The following TPM3 variants were observed in gnomAD, a reference collection of about 807,000 sequenced individuals.
TPM3 encodes the protein tropomyosin alpha-3 chain.
A neutral mutation model predicts 43.1 loss-of-function variants in TPM3; 16 were observed. That is an observed-to-expected ratio of 0.37 (90% confidence interval 0.25 to 0.56). TPM3 has a LOEUF of 0.56. TPM3 is among the 20% of genes least tolerant of loss of function. The pLI, the probability that TPM3 is intolerant of heterozygous loss-of-function variation, is 0.77. For synonymous variants in TPM3, 101 were observed against 116.9 expected (o/e 0.86, Z 0.88); for missense variants, 176 against 337.2 (o/e 0.52, Z 3.74).
chr1:154,164,741 T>A lies in TPM3; in HGVS notation c.*3196A>T. On this transcript the variant is annotated 3_prime_UTR_variant, in exon 10 of 10. Coordinates refer to ENST00000651641, the MANE Select transcript of TPM3 (RefSeq NM_152263.4). ...TTGTGTCAAGTAAGAACAAAATAAA[T>A]CTGGAAATGAGTAGATCTGAAGAAA... 6.6e-6 allele frequency among the ~76,000 whole-genome samples: 1 copy of A among 152,148 alleles called. No individual in the cohort carries two copies.
chr1:154,191,953 C>T lies in TPM3; in HGVS notation c.66G>A (p.Arg22=). The part of the protein sequence containing the change: ...LKLDKENALD[R]AEQAEAEQKQ... ...TCTGCTCAGCTTCAGCTTGCTCTGCCCGATCCAGAGCATTCTCCTTGTCTA... is the reference window on the plus strand; with the variant it reads ...TCTGCTCAGCTTCAGCTTGCTCTGCTCGATCCAGAGCATTCTCCTTGTCTA... The change falls in exon 1 of 10, where the codon CGG becomes CGA. Residue 22 remains arginine, a synonymous_variant. Transcript: ENST00000651641. 3 of 1,613,954 alleles carry T rather than the reference C, an allele frequency of 1.9e-6. No homozygotes were observed. Among genetic ancestry groups the T allele is most frequent in the Non-Finnish European group, 2.5e-6 (3 of 1,180,026 alleles).
Position 154,164,902 on chromosome 1 carries a change from T to C in TPM3, c.*3035A>G, listed in dbSNP as rs1660776719. ...TTACCAAATTAATTCTTCTTATATG[T>C]TATTCAGATCACAACATATCCTATT... On this transcript the variant is annotated 3_prime_UTR_variant, in exon 10 of 10. Coordinates refer to ENST00000651641, the MANE Select transcript of TPM3 (RefSeq NM_152263.4). Among the ~76,000 whole-genome samples, 1 of 152,248 alleles carries C rather than the reference T, an allele frequency of 6.6e-6. No homozygotes were observed. Among genetic ancestry groups the C allele is most frequent in the African/African-American group, 2.4e-5 (1 of 41,468 alleles).
intron 8 of TPM3, chr1:154,170,135 G>A: frequency 2.1e-6 from 1 of 476,136 alleles, no homozygotes; most frequent in South Asian, 2.2e-5. Context: ...GGAGGTAAAT[G>A]CAGCCATTAT....
intron 2 of TPM3, among the ~76,000 whole-genome samples, chr1:154,188,544 G>A (rs913011770): frequency 1.3e-5 from 2 of 150,858 alleles, no homozygotes; most frequent in African/African-American, 2.5e-5. Flanking sequence ...GCGCGGTGGC[G>A]GGCACCTGTA....
intron 1 of TPM3, chr1:154,191,657 C>A: frequency 7.0e-7 from 1 of 1,430,152 alleles, no homozygotes; most frequent in Non-Finnish European, 9.1e-7. Flanking sequence ...AGGGTTCTTC[C>A]AAAACATGGT....
chr1:154,158,194 A>C (rs191987463), downstream of TPM3, among the ~76,000 whole-genome samples: 18 of 152,338 alleles, frequency 1.2e-4, no homozygotes. Context: ...CCAAAGTAAT[A>C]ACTGATGGGA....
chr1:154,174,605 G>A (rs898141282), intron 3 of TPM3, among the ~76,000 whole-genome samples: 22 of 146,220 alleles, frequency 1.5e-4, no homozygotes, highest in Admixed American at 2.8e-4. Flanking sequence ...AGTGCTTCTC[G>A]TGCCTTAGCC....
intron 2 of TPM3, among the ~76,000 whole-genome samples, chr1:154,185,648 T>C (rs1021614360): frequency 6.0e-5 from 9 of 149,740 alleles, no homozygotes; most frequent in Non-Finnish European, 1.0e-4. Flanking sequence ...AGGCAGAAGT[T>C]GCAGTGAGCC....
intron 2 of TPM3, among the ~76,000 whole-genome samples, chr1:154,178,895 C>T (rs544170759): frequency 6.6e-6 from 1 of 152,096 alleles, no homozygotes; most frequent in Admixed American, 6.6e-5. Flanking sequence ...GTAGAATGCC[C>T]CAGCAACTCA....
chr1:154,156,953 G>A (rs1223927419), downstream of TPM3: 5 of 197,890 alleles, frequency 2.5e-5, no homozygotes, highest in Non-Finnish European at 4.2e-5. Flanking sequence ...CAAAATTTTG[G>A]TCTCAGAGGT....
rs747334249 is a variant in TPM3 at position 154,167,757 on chromosome 1, C to A, written c.*180G>T. 19 of 1,494,634 alleles carry A rather than the reference C, an allele frequency of 1.3e-5. No individual in the cohort carries two copies. The highest frequency in any genetic ancestry group is 1.7e-5 in the Non-Finnish European group (19 of 1,119,588). The allele number at this position is 1,494,634 out of a possible 1,614,324, so 92.6% of individuals were successfully genotyped here. A position where few individuals can be genotyped will look rare whatever the true frequency, so the allele number is the denominator to read the frequency against. On this transcript the variant is annotated 3_prime_UTR_variant, in exon 10 of 10. Transcript: ENST00000651641. ...CAGGGTGGCATGAGGTTTCCAGCAG[C>A]TTAACATTTTAATTTGGGGTGGGGG...
chr1:154,168,024 A>G, intron 9 of TPM3, 84 bp from the exon 10 acceptor site: 1 of 1,591,410 alleles, frequency 6.3e-7, no homozygotes. Context: ...AGAGGAAAAA[A>G]AGGAAGAGGT....
intron 3 of TPM3, among the ~76,000 whole-genome samples, chr1:154,175,330 C>A (rs1442677608): frequency 0.012 from 1,094 of 88,612 alleles, no homozygotes; most frequent in Middle Eastern, 0.016. Flanking sequence ...GACTCTGTCT[C>A]AAAAAAAAAA....
At position 154,162,254 on chromosome 1, in the gene TPM3, A is replaced by G. The variant is rs1321423173; in HGVS notation, c.*5683T>C. 2.0e-5 allele frequency among the ~76,000 whole-genome samples: 3 copies of G among 149,670 alleles called. No homozygotes were observed. The highest frequency in any genetic ancestry group is 7.3e-5 in the African/African-American group (3 of 40,818). ...GTTGCACGTGCCTGTAATCCCAGCT[A>G]TTCAGGAGGCTGAGGCAGGAGGATC... On this transcript the variant is annotated 3_prime_UTR_variant, in exon 10 of 10. Transcript: ENST00000651641.
At chr1:154,161,131 T>TAAAAAAAAAAAAAAAAAAAAA (rs953940037), downstream of TPM3, among the ~76,000 whole-genome samples, 5 of 85,086 alleles carry the variant, frequency 5.9e-5, no homozygotes, top group Non-Finnish European at 1.2e-4. Flanking sequence ...ATGCAAATAT[T>TAAAAAAAAAAAAAAAAAAAAA]AAAAAAAAAA....
intron 2 of TPM3, among the ~76,000 whole-genome samples, chr1:154,188,116 C>T (rs944650596): frequency 5.9e-5 from 9 of 151,482 alleles, no homozygotes; most frequent in Non-Finnish European, 7.3e-5. Context: ...AGTGCAGTAG[C>T]ATTATCATAC....
chr1:154,177,062 AC>A (rs35284595), intron 2 of TPM3, among the ~76,000 whole-genome samples: 1 of 151,996 alleles, frequency 6.6e-6, no homozygotes, highest in East Asian at 1.9e-4. Context: ...TGATCACTTT[AC>A]CCTAACACAT....
In TPM3 at chr1:154,169,342, C is replaced by G; in HGVS notation, c.817G>C (p.Glu273Gln). The G allele has an allele frequency of 1.9e-6, 3 of 1,614,204 alleles. No individual in the cohort carries two copies. Among genetic ancestry groups the G allele is most frequent in the Non-Finnish European group, 2.5e-6 (3 of 1,180,034 alleles). ...TCATTGAGGGCGTGGTCCAGCTCCT[C>G]GCTAATGGCCTTGTACTTCAGTTTC... ...AQKLKYKAIS[E>Q]ELDHALNDMT... The change falls in exon 9 of 10, where the codon GAG becomes CAG. Residue 273 changes from glutamate to glutamine, a missense_variant. Transcript: ENST00000651641.
intron 5 of TPM3, chr1:154,172,326 C>T (rs1205064048): frequency 7.1e-6 from 5 of 702,286 alleles, no homozygotes; most frequent in Non-Finnish European, 1.3e-5. Context: ...TAATCAAGGC[C>T]CAGAAGGTAC....
Sources: gnomAD v4.1 joint callset for allele counts (sites outside exome capture counted in the v4.1 genomes callset) on GRCh38, gnomAD v4.1.1 for gene constraint, MANE v1.5 for transcripts, NCBI Gene and HGNC (gene_info 2026-07-23, HGNC 2026-07-21) for gene names.